The following CSMD2 variants were observed in gnomAD, a reference collection of about 807,000 sequenced individuals.
CSMD2 encodes the protein CUB and Sushi multiple domains 2.
Under a neutral mutation model 398.5 loss-of-function variants are expected in CSMD2, and 130 were observed. That is an observed-to-expected ratio of 0.33 (90% CI 0.28 to 0.38). The LOEUF (loss-of-function observed/expected upper bound fraction) is 0.38. Among genes scored for constraint, CSMD2 ranks in the 10% least tolerant of loss-of-function variants. The pLI, the probability that CSMD2 is intolerant of heterozygous loss-of-function variation, is 1.00. For missense variants in CSMD2, 3,829 were observed against 4,764.9 expected (o/e 0.80, Z 5.78); for synonymous variants, 1,828 against 1,908.5 (o/e 0.96, Z 1.10).
chr1:33,833,056 G>GAATTCT (rs1557971985), intron 6 of CSMD2, among the ~76,000 whole-genome samples: 1 of 143,616 alleles, frequency 7.0e-6, no homozygotes, highest in African/African-American at 2.6e-5. Context: ...ATTCACAGCC[G>GAATTCT]AATTCTACCA....
chr1:33,665,160 A>G (rs1459057428), intron 25 of CSMD2, among the ~76,000 whole-genome samples: 1 of 152,142 alleles, frequency 6.6e-6, no homozygotes, highest in African/African-American at 2.4e-5. Context: ...TTCTACTTAT[A>G]TATTATGACT....
rs1025780129 is a variant in CSMD2, at chr1:34,164,451, C to G, written c.187+460G>C. ...GGCAGGGAAGGGCAGACCTTGCAGA[C>G]GCAGAAATGGGGAGGGGGCGCACGG... On this transcript the variant is annotated intron_variant, in intron 1 of 70. Coordinates refer to ENST00000373381, the MANE Select transcript of CSMD2 (RefSeq NM_001281956.2). The surrounding 1 kb of genome is among the most constrained non-coding windows in gnomAD (Gnocchi z 6.2). Among the ~76,000 whole-genome samples, 1 of 151,978 alleles carries G rather than the reference C, an allele frequency of 6.6e-6. No homozygotes were observed. The highest frequency in any genetic ancestry group is 1.5e-5 in the Non-Finnish European group (1 of 67,988).
At chr1:33,673,670 A>G (rs1011399913) in intron 25 of CSMD2, among the ~76,000 whole-genome samples, 4 of 152,232 alleles carry the variant, frequency 2.6e-5, no homozygotes, top group African/African-American at 7.2e-5. Flanking sequence ...CAGATTCACC[A>G]AAGTTGAAAT....
intron 2 of CSMD2, among the ~76,000 whole-genome samples, chr1:34,038,724 A>C (rs1438541378): frequency 2.0e-5 from 3 of 152,206 alleles, no homozygotes; most frequent in Non-Finnish European, 4.4e-5. Flanking sequence ...AGGCCATCCC[A>C]AGGGCAAAGG....
At chr1:33,952,090 T>C (rs977234677) in intron 3 of CSMD2, among the ~76,000 whole-genome samples, 3 of 151,712 alleles carry the variant, frequency 2.0e-5, no homozygotes, top group Admixed American at 6.6e-5. Flanking sequence ...GGAGCCAAGG[T>C]AGAGAGAAGG....
chr1:33,727,510 C>T (rs1418634612), intron 15 of CSMD2, among the ~76,000 whole-genome samples: 2 of 152,166 alleles, frequency 1.3e-5, no homozygotes, highest in African/African-American at 4.8e-5. Flanking sequence ...TTTCACTGCC[C>T]ACCCCTTTTG....
In CSMD2 at chr1:33,537,289, A is replaced by G; in HGVS notation, c.9805+147T>C. The G allele has an allele frequency of 3.6e-6, 4 of 1,111,348 alleles. No homozygotes were observed. The highest frequency in any genetic ancestry group is 1.5e-5 in the South Asian group (1 of 68,294). 68.8% of individuals were successfully genotyped at this position (1,111,348 alleles called of 1,614,324 possible). On this transcript the variant is annotated intron_variant, in intron 61 of 70. Coordinates refer to ENST00000373381, the MANE Select transcript of CSMD2 (RefSeq NM_001281956.2). The surrounding 1 kb of genome is among the most constrained non-coding windows in gnomAD (Gnocchi z 4.6). ...AGCACACTAGCTCTGGCTATTTTAC[A>G]TCCTGCTGCAGAAGCTCAGAGGATG...
At chr1:34,044,955 T>C (rs1652307792) in intron 2 of CSMD2, among the ~76,000 whole-genome samples, 1 of 151,690 alleles carries the variant, frequency 6.6e-6, no homozygotes, top group African/African-American at 2.4e-5. Flanking sequence ...CATAAACCAT[T>C]AAGCTAAAAA....
At chr1:33,550,468 G>C (rs1657339212) in intron 55 of CSMD2, 118 bp from the exon 56 acceptor site, 1 of 1,101,924 alleles carries the variant, frequency 9.1e-7, no homozygotes, top group Non-Finnish European at 1.3e-6. Flanking sequence ...AAGGGTATCT[G>C]TTGAAGCAAA....
intron 1 of CSMD2, chr1:34,113,029 G>A (rs1316084640): frequency 6.6e-6 from 1 of 152,306 alleles, no homozygotes; most frequent in Non-Finnish European, 1.5e-5. Flanking sequence ...GTTAGTACTT[G>A]GACGGGAGAA....
At chr1:33,626,991 C>A (rs1284473125) in intron 32 of CSMD2, among the ~76,000 whole-genome samples, 1 of 152,132 alleles carries the variant, frequency 6.6e-6, no homozygotes, top group Non-Finnish European at 1.5e-5. Context: ...TGACATCAAT[C>A]TGAGTTTTTA....
intron 1 of CSMD2, among the ~76,000 whole-genome samples, chr1:34,103,401 C>T (rs1660198818): frequency 6.6e-6 from 1 of 151,276 alleles, no homozygotes; most frequent in Non-Finnish European, 1.5e-5. Context: ...CGGGTTCACG[C>T]CATTCTCCTG....
intron 38 of CSMD2, among the ~76,000 whole-genome samples, 195 bp downstream of exon 38, chr1:33,617,304 G>A (rs1641457426): frequency 6.6e-6 from 1 of 152,238 alleles, no homozygotes; most frequent in African/African-American, 2.4e-5. Flanking sequence ...ACACATTGGA[G>A]GTTGGCTTGT....
chr1:33,600,065 T>C, intron 44 of CSMD2: 1 of 665,670 alleles, frequency 1.5e-6, no homozygotes, highest in South Asian at 1.7e-5. Flanking sequence ...AATATTTGCC[T>C]TACTACCTCA....
intron 37 of CSMD2, 30 bp downstream of exon 37, chr1:33,622,137 C>G: frequency 1.3e-6 from 2 of 1,550,856 alleles, no homozygotes; most frequent in Non-Finnish European, 1.8e-6. Flanking sequence ...CACCCTGAAC[C>G]CTGTACCAGC....
intron 55 of CSMD2, among the ~76,000 whole-genome samples, chr1:33,550,721 C>T (rs1657365721): frequency 6.6e-6 from 1 of 152,176 alleles, no homozygotes; most frequent in Non-Finnish European, 1.5e-5. Flanking sequence ...CTGTCACCCT[C>T]AGATTGTCTT....
intron 1 of CSMD2, among the ~76,000 whole-genome samples, chr1:34,123,199 G>A (rs372250563): frequency 2.6e-5 from 4 of 152,186 alleles, no homozygotes; most frequent in South Asian, 2.1e-4. Context: ...CTGAACCTCC[G>A]GGAAAGGGAC....
chr1:34,153,694 C>A (rs1030282704), intron 1 of CSMD2, among the ~76,000 whole-genome samples: 1 of 152,222 alleles, frequency 6.6e-6, no homozygotes, highest in African/African-American at 2.4e-5. Context: ...TCGGGAAACA[C>A]AGGGCCTTGA....
At chr1:33,880,270 T>TTC (rs201877469) in intron 5 of CSMD2, among the ~76,000 whole-genome samples, 16 of 151,706 alleles carry the variant, frequency 1.1e-4, no homozygotes, top group East Asian at 3.9e-4. Flanking sequence ...AACTTACTGC[T>TTC]TCTCTCTCTC....
Sources: gnomAD v4.1 joint callset for allele counts (sites outside exome capture counted in the v4.1 genomes callset) on GRCh38, gnomAD v4.1.1 for gene constraint, Gnocchi (gnomAD v3.1) non-coding constraint, MANE v1.5 for transcripts, NCBI Gene and HGNC (gene_info 2026-07-23, HGNC 2026-07-21) for gene names.